Variants in FANCC observed in about 807,000 individuals in gnomAD.
FANCC encodes the protein FA complementation group C, also known as Fanconi anemia group C protein.
Under a neutral mutation model 71.3 loss-of-function variants are expected in FANCC, and 55 were observed. That is an observed-to-expected ratio of 0.77 (90% CI 0.62 to 0.97). The LOEUF (loss-of-function observed/expected upper bound fraction) is 0.97. FANCC is among the 50% of genes least tolerant of loss of function. The probability of loss-of-function intolerance (pLI) is 0.00; values close to 1 mark genes in which losing one functional copy is unlikely to be tolerated. For synonymous variants in FANCC, 275 were observed against 244.9 expected, an observed-to-expected ratio of 1.12 and a Z score of -1.15; for missense variants, 678 against 670.9, an observed-to-expected ratio of 1.01 and a Z score of -0.12.
At chr9:95,256,966 A>C (rs1374515138) in intron 1 of FANCC, among the ~76,000 whole-genome samples, 1 of 152,214 alleles carries the variant, frequency 6.6e-6, no homozygotes, top group East Asian at 1.9e-4. Flanking sequence ...TAAAGGGATG[A>C]ATACAACAAG....
At chr9:95,247,333 A>T in intron 3 of FANCC, 99 bp downstream of exon 3, 1 of 875,894 alleles carries the variant, frequency 1.1e-6, no homozygotes. Flanking sequence ...TGTTCCATTA[A>T]AAAAAAAAAA....
At chr9:95,170,398 A>C (rs1229723335) in intron 6 of FANCC, among the ~76,000 whole-genome samples, 3 of 148,390 alleles carry the variant, frequency 2.0e-5, no homozygotes, top group South Asian at 2.1e-4. Context: ...TAGCTTTACA[A>C]AAAAAAAAAA....
intron 1 of FANCC, among the ~76,000 whole-genome samples, chr9:95,303,417 C>T (rs755938208): frequency 1.3e-5 from 2 of 152,180 alleles, no homozygotes; most frequent in Admixed American, 6.5e-5. Context: ...TCTCTTGCAA[C>T]GCATGCAGTT....
At chr9:95,177,892 G>C (rs536016558) in intron 4 of FANCC, among the ~76,000 whole-genome samples, 1 of 152,252 alleles carries the variant, frequency 6.6e-6, no homozygotes, top group Non-Finnish European at 1.5e-5. Flanking sequence ...ATTCCCCCAA[G>C]ACACTGAGAC....
chr9:95,122,003 G>A (rs1007835984), intron 10 of FANCC, among the ~76,000 whole-genome samples: 5 of 151,744 alleles, frequency 3.3e-5, no homozygotes, highest in Admixed American at 1.3e-4. Flanking sequence ...GACTATAAGC[G>A]CCCACCACCA....
At position 95,286,907 on chromosome 9, in the gene FANCC, T is replaced by C. The variant is rs1833721694; in HGVS notation, c.-79+30619A>G. Among the ~76,000 whole-genome samples the C allele has an allele frequency of 3.3e-5, 5 of 152,176 alleles. No homozygotes were observed. In the South Asian group the frequency reaches 1.0e-3, roughly 32 times the overall value. On this transcript the variant is annotated intron_variant, in intron 1 of 14. Transcript: ENST00000289081. ...AAACACTAAATAATTTGCTCCTGAA[T>C]TCTGTATCTCATTTATATATAAATA...
At chr9:95,220,833 G>A (rs550683874) in intron 4 of FANCC, among the ~76,000 whole-genome samples, 5 of 151,888 alleles carry the variant, frequency 3.3e-5, no homozygotes, top group East Asian at 3.9e-4. Flanking sequence ...AAACCTGCAC[G>A]CTGTGCACAT....
chr9:95,230,660 C>A (rs1054635806), intron 4 of FANCC, among the ~76,000 whole-genome samples: 1 of 152,104 alleles, frequency 6.6e-6, no homozygotes, highest in African/African-American at 2.4e-5. Context: ...TGTTACAGCT[C>A]ATAAAGGTAG....
At chr9:95,102,568 G>C (rs1272686707) in intron 14 of FANCC, among the ~76,000 whole-genome samples, 2 of 152,238 alleles carry the variant, frequency 1.3e-5, no homozygotes, top group African/African-American at 4.8e-5. Flanking sequence ...TATTCACTTA[G>C]TGTGTGTCAG....
intron 7 of FANCC, among the ~76,000 whole-genome samples, chr9:95,147,076 T>C (rs1829667312): frequency 6.6e-6 from 1 of 150,862 alleles, no homozygotes; most frequent in Non-Finnish European, 1.5e-5. Flanking sequence ...AATATATATT[T>C]TAGATTATTA....
At chr9:95,292,705 T>G in intron 1 of FANCC, 1 of 1,333,350 alleles carries the variant, frequency 7.5e-7, no homozygotes, top group Non-Finnish European at 1.1e-6. Context: ...AGAAAAGATT[T>G]GAAAACTGTA....
intron 4 of FANCC, among the ~76,000 whole-genome samples, chr9:95,191,940 T>G (rs1185959863): frequency 6.6e-6 from 1 of 151,878 alleles, no homozygotes; most frequent in Non-Finnish European, 1.5e-5. Flanking sequence ...TATTCTTGCT[T>G]CCTCCCCCGA....
chr9:95,167,054 A>T (rs1456668962), intron 6 of FANCC, among the ~76,000 whole-genome samples: 1 of 151,972 alleles, frequency 6.6e-6, no homozygotes, highest in Non-Finnish European at 1.5e-5. Context: ...TTTTTGAAGG[A>T]TGATTTAGCC....
chr9:95,294,259 T>C (rs1554870696), intron 1 of FANCC: 3 of 1,579,104 alleles, frequency 1.9e-6, no homozygotes, highest in East Asian at 2.2e-5. Context: ...TATTGAAGAG[T>C]TCTTTTCGGC....
At chr9:95,194,790 C>A (rs534174499) in intron 4 of FANCC, among the ~76,000 whole-genome samples, 1 of 152,204 alleles carries the variant, frequency 6.6e-6, no homozygotes. Flanking sequence ...TCCTCCCAGT[C>A]TGCCATTGTC....
intron 1 of FANCC, chr9:95,294,148 G>T: frequency 6.2e-7 from 1 of 1,605,130 alleles, no homozygotes. Flanking sequence ...TAATCTGCCT[G>T]CTCAGACATT....
At chr9:95,148,025 G>C (rs1829795415) in intron 7 of FANCC, among the ~76,000 whole-genome samples, 1 of 152,068 alleles carries the variant, frequency 6.6e-6, no homozygotes, top group Admixed American at 6.5e-5. Flanking sequence ...TGCACTGATA[G>C]CGCAAAAGCA....
At chr9:95,302,687 G>A (rs754751034) in intron 1 of FANCC, among the ~76,000 whole-genome samples, 3 of 152,120 alleles carry the variant, frequency 2.0e-5, no homozygotes, top group South Asian at 4.1e-4. Flanking sequence ...TACCTCTTCC[G>A]GGAGAGCACA....
chr9:95,218,818 G>A (rs1315667353), intron 4 of FANCC, among the ~76,000 whole-genome samples: 1 of 152,164 alleles, frequency 6.6e-6, no homozygotes, highest in Non-Finnish European at 1.5e-5. Context: ...TTCATCCATG[G>A]AAACATCAAA....
Sources: allele counts gnomAD v4.1 joint callset (sites outside exome capture counted in the v4.1 genomes callset), GRCh38; gene constraint gnomAD v4.1.1; transcripts MANE v1.5; gene names NCBI Gene and HGNC (gene_info 2026-07-23, HGNC 2026-07-21).